The following ARID5B variants were observed in gnomAD, a reference collection of about 807,000 sequenced individuals.
ARID5B encodes the protein AT-rich interaction domain 5B.
Under a neutral mutation model 97.2 loss-of-function variants are expected in ARID5B, and 13 were observed. The observed-to-expected ratio is 0.13, with a 90% CI of 0.09 to 0.21. The LOEUF is 0.21. Among genes scored for constraint, ARID5B ranks in the 10% least tolerant of loss-of-function variants. The pLI, the probability that ARID5B is intolerant of heterozygous loss-of-function variation, is 1.00. For synonymous variants in ARID5B, 556 were observed against 570.3 expected (o/e 0.97, Z 0.36); for missense variants, 1,210 against 1,465.3 (o/e 0.83, Z 2.84).
intron 7 of ARID5B, among the ~76,000 whole-genome samples, chr10:62,062,132 T>G (rs1397777628): frequency 6.6e-6 from 1 of 152,210 alleles, no homozygotes. Context: ...CTGTGAGATG[T>G]TCAATGGGCA....
At chr10:62,065,410 A>G (rs1472136370) in intron 7 of ARID5B, among the ~76,000 whole-genome samples, 2 of 152,078 alleles carry the variant, frequency 1.3e-5, no homozygotes, top group African/African-American at 4.8e-5. Context: ...TCACTTCCAT[A>G]TCTCTGCACA....
intron 3 of ARID5B, among the ~76,000 whole-genome samples, chr10:61,942,683 T>C (rs1196727249): frequency 2.6e-5 from 4 of 152,068 alleles, no homozygotes; most frequent in East Asian, 1.9e-4. Context: ...TCTCAGCTAC[T>C]TGGGAGGCTG....
chr10:61,971,418 G>A (rs1460687257), intron 3 of ARID5B, among the ~76,000 whole-genome samples: 1 of 152,192 alleles, frequency 6.6e-6, no homozygotes, highest in East Asian at 1.9e-4. Flanking sequence ...CTGAAACTCT[G>A]TAGCTGTCTT....
intron 3 of ARID5B, among the ~76,000 whole-genome samples, chr10:61,955,118 A>G (rs746433251): frequency 2.0e-5 from 3 of 152,340 alleles, no homozygotes; most frequent in Non-Finnish European, 4.4e-5. Flanking sequence ...ATGCTGTAGT[A>G]GCAACATTTC....
chr10:62,049,359 A>T, intron 4 of ARID5B: 3 of 1,543,736 alleles, frequency 1.9e-6, no homozygotes, highest in East Asian at 2.5e-5. Flanking sequence ...CGCAGCTCGC[A>T]TTCGGAGGGA....
intron 2 of ARID5B, among the ~76,000 whole-genome samples, chr10:61,920,329 G>GT (rs11302478): frequency 1.5e-3 from 203 of 134,788 alleles, no homozygotes; most frequent in Middle Eastern, 4.1e-3. Flanking sequence ...ATGAATCTTT[G>GT]TTTTTTTTTT....
intron 2 of ARID5B, 143 bp from the exon 3 acceptor site, chr10:61,940,040 T>G: frequency 1.5e-6 from 1 of 660,926 alleles, no homozygotes; most frequent in Non-Finnish European, 2.7e-6. Context: ...TACTAAAGAT[T>G]CTGTGTCACC....
rs148493657 is a variant in ARID5B, at chr10:62,062,025, G to C, written c.1101+2730G>C. Among the ~76,000 whole-genome samples, 830 of 152,142 alleles carry C rather than the reference G, an allele frequency of 5.5e-3. 9 individuals are homozygous for C. The highest frequency in any genetic ancestry group is 0.019 in the African/African-American group (789 of 41,472). On this transcript the variant is annotated intron_variant, in intron 7 of 9. Coordinates refer to ENST00000279873, the MANE Select transcript of ARID5B (RefSeq NM_032199.3). ...TTTCATGCTATAGATTGGCCCTGCA[G>C]ATACTTCAGTTTGCCACCACTATTC...
At chr10:62,051,938 G>C (rs1253532378) in intron 5 of ARID5B, among the ~76,000 whole-genome samples, 1 of 151,872 alleles carries the variant, frequency 6.6e-6, no homozygotes, top group Non-Finnish European at 1.5e-5. Context: ...AAAAAAACAT[G>C]AGTTAAGTTC....
chr10:61,962,921 G>C (rs1838491416), intron 3 of ARID5B, among the ~76,000 whole-genome samples: 1 of 152,184 alleles, frequency 6.6e-6, no homozygotes, highest in Admixed American at 6.5e-5. Context: ...AACCACGAAA[G>C]AAACTGCAGT....
chr10:62,091,465 G>A lies in ARID5B; in HGVS notation c.2002G>A (p.Glu668Lys), dbSNP rs1262593085. The A allele has an allele frequency of 1.6e-5, 25 of 1,611,760 alleles. No individual in the cohort carries two copies. The highest frequency in any genetic ancestry group is 4.0e-5 in the African/African-American group (3 of 74,824). The stretch of plus-strand genomic sequence containing the variant: ...CAAAGACCTGACTGGGCCCATGAAC[G>A]AGAACCATGGACTTAATTACACGCC... ...KDKDLTGPMNENHGLNYTPLL... is the reference protein window; with the variant it reads ...KDKDLTGPMNKNHGLNYTPLL... Residue 668 changes from glutamate to lysine, a missense_variant, in exon 10 of 10, where the codon GAG becomes AAG. Physicochemically the swap from Glu to Lys is moderately conservative, Grantham distance 56. Coordinates refer to ENST00000279873, the MANE Select transcript of ARID5B (RefSeq NM_032199.3).
chr10:61,955,881 G>A lies in ARID5B; in HGVS notation c.502+15473G>A, dbSNP rs544310165. Among the ~76,000 whole-genome samples the A allele has an allele frequency of 8.5e-5, 13 of 152,084 alleles. No homozygotes were observed. In the South Asian group the frequency reaches 1.7e-3, roughly 19 times the overall value. On this transcript the variant is annotated intron_variant, in intron 3 of 9. Coordinates refer to ENST00000279873, the MANE Select transcript of ARID5B (RefSeq NM_032199.3). Reference sequence around the variant, plus strand: ...GGCCAGGCTGGTCTCGAACTCCTGAGCTCAAGTGATCCACCCGCCTCAGCC... The same window carrying A: ...GGCCAGGCTGGTCTCGAACTCCTGAACTCAAGTGATCCACCCGCCTCAGCC...
In ARID5B at chr10:62,091,768, A is replaced by G; in HGVS notation, c.2305A>G (p.Ile769Val). The change falls in exon 10 of 10, where the codon ATC (isoleucine) becomes GTC (valine). Residue 769 changes from isoleucine to valine, a missense_variant. Physicochemically the swap from Ile to Val is conservative, Grantham distance 29 (BLOSUM62 3). Around this residue, in one of 8 missense-constraint regions of ARID5B, gnomAD observed 800 missense variants for 839.1 expected, o/e 0.95. Transcript: ENST00000279873. ...RSKPSEERKTINDIFKHEKLS... is the reference protein window; with the variant it reads ...RSKPSEERKTVNDIFKHEKLS... ...CAAGCCCTCGGAAGAGAGAAAGACC[A>G]TCAATGACATCTTTAAGCATGAGAA... 1 of 1,614,120 alleles carries G rather than the reference A, an allele frequency of 6.2e-7. No homozygotes were observed. The highest frequency in any genetic ancestry group is 1.1e-5 in the South Asian group (1 of 91,078).
chr10:61,963,572 C>T (rs1838502785), intron 3 of ARID5B, among the ~76,000 whole-genome samples: 2 of 152,020 alleles, frequency 1.3e-5, no homozygotes, highest in Non-Finnish European at 2.9e-5. Flanking sequence ...CTATATGTCT[C>T]TCCCTGACTG....
chr10:61,902,714 T>C (rs1843638991), intron 2 of ARID5B, among the ~76,000 whole-genome samples: 1 of 152,036 alleles, frequency 6.6e-6, no homozygotes, highest in African/African-American at 2.4e-5. Context: ...TGTGTGTGTG[T>C]GTGTTCATTT....
chr10:61,930,751 A>AAATAAATAAATAAATG, intron 2 of ARID5B, among the ~76,000 whole-genome samples: 1 of 151,798 alleles, frequency 6.6e-6, no homozygotes, highest in South Asian at 2.1e-4. Flanking sequence ...ATAAATAAAT[A>AAATAAATAAATAAATG]AGATACAGGT....
intron 4 of ARID5B, among the ~76,000 whole-genome samples, chr10:62,006,596 A>G (rs1839149714): frequency 6.6e-6 from 1 of 152,192 alleles, no homozygotes; most frequent in Non-Finnish European, 1.5e-5. Context: ...GTGCTGGTAG[A>G]GGTGTAATGG....
At position 62,092,521 on chromosome 10, in the gene ARID5B, G is replaced by A. The variant is rs1840396781; in HGVS notation, c.3058G>A (p.Asp1020Asn). 2.5e-6 allele frequency: 4 copies of A among 1,614,190 alleles called. No homozygotes were observed. The highest frequency in any genetic ancestry group is 2.5e-6 in the Non-Finnish European group (3 of 1,180,032). ...GATCAAGCGCAGCCTGGAGGATTTG[G>A]ACCTTGTGATTGCAGGGAAAAAGGC... ...RPIKRSLEDL[D>N]LVIAGKKARA... The change falls in exon 10 of 10, where the codon GAC (aspartate) becomes AAC (asparagine). Residue 1020 changes from aspartate to asparagine, a missense_variant. By Grantham distance (23) the Asp-to-Asn change is conservative. Coordinates refer to ENST00000279873, the MANE Select transcript of ARID5B (RefSeq NM_032199.3).
chr10:61,968,785 T>A (rs1838583171), intron 3 of ARID5B, among the ~76,000 whole-genome samples: 1 of 152,194 alleles, frequency 6.6e-6, no homozygotes, highest in South Asian at 2.1e-4. Flanking sequence ...AGCGTATTAC[T>A]CCTTGATAGA....
Sources: gnomAD v4.1 joint callset for allele counts (sites outside exome capture counted in the v4.1 genomes callset) on GRCh38, gnomAD v4.1.1 for gene constraint, gnomAD v4.1.1 regional missense constraint, MANE v1.5 for transcripts, NCBI Gene and HGNC (gene_info 2026-07-23, HGNC 2026-07-21) for gene names.